Variants in TMEM79 observed in about 807,000 individuals in gnomAD.
The protein encoded by TMEM79 is mattrin.
A neutral mutation model predicts 31.2 loss-of-function variants in TMEM79; 30 were observed. The observed-to-expected ratio is 0.96, with a 90% confidence interval of 0.72 to 1.30. TMEM79 has a LOEUF of 1.30. Among genes scored for constraint, TMEM79 ranks in the 50% most tolerant of loss-of-function variants. TMEM79 has a pLI of 0.00. For synonymous variants in TMEM79, 213 were observed against 229.5 expected (o/e 0.93, Z 0.65); for missense variants, 509 against 528.2 (o/e 0.96, Z 0.36).
rs1219393608 is a variant in TMEM79 at position 156,291,682 on chromosome 1, GC to G, written c.*89del. 7.5e-7 allele frequency: 1 copy of G among 1,333,514 alleles called. No individual in the cohort carries two copies. 82.6% of individuals were successfully genotyped at this position (1,333,514 alleles called of 1,614,324 possible). A position where few individuals can be genotyped will look rare whatever the true frequency, so the allele number is the denominator to read the frequency against. On this transcript the variant is annotated 3_prime_UTR_variant, in exon 4 of 4. Transcript: ENST00000405535. ...AACCTTGTGGCCAGGCCTGGACTTC[GC>G]CCCCAGGCCTAGGACCGCGGTGGGT... is the stretch of plus-strand genomic sequence containing the variant.
In TMEM79 at chr1:156,291,459, T is replaced by C. The variant is rs1378104679; in HGVS notation, c.1046T>C (p.Leu349Pro). ...GGCTACGGCCTGACGTTTCTGCCACTGCTGTCGATGCTGATGTGGAACCTC... is the reference window on the plus strand; with the variant it reads ...GGCTACGGCCTGACGTTTCTGCCACCGCTGTCGATGCTGATGTGGAACCTC... ...GFGYGLTFLP[L>P]LSMLMWNLYY... Residue 349 changes from leucine (L) to proline (P), a missense_variant, in exon 4 of 4, where the codon CTG becomes CCG. Coordinates refer to ENST00000405535, the MANE Select transcript of TMEM79 (RefSeq NM_032323.3). The C allele has an allele frequency of 1.9e-6, 3 of 1,613,706 alleles. No homozygotes were observed. Among genetic ancestry groups the C allele is most frequent in the South Asian group, 1.1e-5 (1 of 91,078 alleles).
At chr1:156,290,432 G>A (rs552790851) in intron 3 of TMEM79, 3 of 152,096 alleles carry the variant, frequency 2.0e-5, no homozygotes, top group East Asian at 1.9e-4. Flanking sequence ...AGCACTTTGG[G>A]AGGCCAAGGC....
chr1:156,288,346 T>C (rs1663226151), intron 3 of TMEM79, among the ~76,000 whole-genome samples: 1 of 151,608 alleles, frequency 6.6e-6, no homozygotes, highest in Non-Finnish European at 1.5e-5. Flanking sequence ...TTTTCTTTTT[T>C]TTTTTTTGAG....
At position 156,291,545 on chromosome 1, in the gene TMEM79, T is replaced by A. The variant is rs370857825; in HGVS notation, c.1132T>A (p.Tyr378Asn). The change falls in exon 4 of 4, where the codon TAC becomes AAC. Residue 378 changes from tyrosine (Y) to asparagine (N), a missense_variant. By Grantham distance (143) the Tyr-to-Asn change is moderately radical. Transcript: ENST00000405535. Reference sequence around the variant, plus strand: ...CACTGCCACCGAGAGCCGCCTGGACTACCCGGACCACGCCCGCTCGGCCTC... The same window carrying A: ...CACTGCCACCGAGAGCCGCCTGGACAACCCGGACCACGCCCGCTCGGCCTC... ...MLTATESRLD[Y>N]PDHARSASDY... The A allele has an allele frequency of 6.2e-7, 1 of 1,610,340 alleles. No individual in the cohort carries two copies. The highest frequency in any genetic ancestry group is 1.3e-5 in the African/African-American group (1 of 75,028).
At chr1:156,286,799 T>G (rs1003662414) in intron 3 of TMEM79, among the ~76,000 whole-genome samples, 1 of 152,202 alleles carries the variant, frequency 6.6e-6, no homozygotes, top group Non-Finnish European at 1.5e-5. Context: ...TGTAACCAAA[T>G]GTACAACTTA....
rs1663166430 is a variant in TMEM79 at position 156,286,451 on chromosome 1, A to G, written c.949A>G (p.Thr317Ala). The change falls in exon 3 of 4, where the codon ACT (threonine) becomes GCT (alanine). Residue 317 changes from threonine (T) to alanine (A), a missense_variant. Transcript: ENST00000405535. ...QDTLKLLPLL[T>A]GLFAVSRLIY... ...TACCCTCAAACTGCTCCCTCTGCTC[A>G]CTGGTCTCTTTGCCGTCTCCCGGTA... is the stretch of plus-strand genomic sequence containing the variant. 1.2e-6 allele frequency: 2 copies of G among 1,614,106 alleles called. No homozygotes were observed. The highest frequency in any genetic ancestry group is 2.2e-5 in the East Asian group (1 of 44,886).
upstream of TMEM79, among the ~76,000 whole-genome samples, chr1:156,283,347 ATATC>A (rs951206571): frequency 3.9e-5 from 6 of 152,234 alleles, no homozygotes; most frequent in Non-Finnish European, 7.3e-5. Context: ...TCCAGCTTGC[ATATC>A]TATCTCTTAC....
Position 156,291,937 on chromosome 1 carries a change from C to T in TMEM79, c.*339C>T. 1.8e-6 allele frequency: 1 copy of T among 549,266 alleles called. No homozygotes were observed. The highest frequency in any genetic ancestry group is 2.6e-5 in the South Asian group (1 of 38,676). 34.0% of individuals were successfully genotyped at this position (549,266 alleles called of 1,614,324 possible). A position where few individuals can be genotyped will look rare whatever the true frequency, so the allele number is the denominator to read the frequency against. Reference sequence around the variant, plus strand: ...AGCCTCTCACCACTGCCACAAGGCTCCCTAATGCTGGTCTCTGCTCCACTC... The same window carrying T: ...AGCCTCTCACCACTGCCACAAGGCTTCCTAATGCTGGTCTCTGCTCCACTC... On this transcript the variant is annotated 3_prime_UTR_variant, in exon 4 of 4. Coordinates refer to ENST00000405535, the MANE Select transcript of TMEM79 (RefSeq NM_032323.3).
intron 1 of TMEM79, among the ~76,000 whole-genome samples, 178 bp downstream of exon 1, chr1:156,284,584 C>A (rs1663094653): frequency 6.6e-6 from 1 of 152,092 alleles, no homozygotes; most frequent in Non-Finnish European, 1.5e-5. Context: ...CAGACCCAGG[C>A]CCTGCAGAGA....
At chr1:156,286,204 T>C (rs1295548013) in intron 2 of TMEM79, 56 bp from the exon 3 acceptor site, 17 of 1,565,126 alleles carry the variant, frequency 1.1e-5, no homozygotes, top group Middle Eastern at 2.0e-4. Flanking sequence ...GCTTACTGCC[T>C]CTTGTGCCCT....
In TMEM79 at chr1:156,291,626, G is replaced by A. The variant is rs200449021; in HGVS notation, c.*28G>A. 1.1e-5 allele frequency: 18 copies of A among 1,604,504 alleles called. No individual in the cohort carries two copies. Among genetic ancestry groups the A allele is most frequent in the Admixed American group, 6.7e-5 (4 of 59,956 alleles). On this transcript the variant is annotated 3_prime_UTR_variant, in exon 4 of 4. Coordinates refer to ENST00000405535, the MANE Select transcript of TMEM79 (RefSeq NM_032323.3). ...CTCTCCGCCCTCGCCCTCGGAGTAG[G>A]GGGTAGCGGCTTGGGTCTGACACAT...
At chr1:156,287,123 A>C (rs1317118079) in intron 3 of TMEM79, among the ~76,000 whole-genome samples, 1 of 152,020 alleles carries the variant, frequency 6.6e-6, no homozygotes, top group Non-Finnish European at 1.5e-5. Context: ...ACTTCATCTC[A>C]AAAAAATAAA....
rs1482070097 is a variant in TMEM79, at chr1:156,291,972, C to CCGTGAGG, written c.*376_*382dup. 2 of 479,506 alleles carry CCGTGAGG rather than the reference C, an allele frequency of 4.2e-6. No homozygotes were observed. Among genetic ancestry groups the CCGTGAGG allele is most frequent in the East Asian group, 6.6e-5 (2 of 30,500 alleles). 29.7% of individuals were successfully genotyped at this position (479,506 alleles called of 1,614,324 possible). On this transcript the variant is annotated 3_prime_UTR_variant, in exon 4 of 4. Coordinates refer to ENST00000405535, the MANE Select transcript of TMEM79 (RefSeq NM_032323.3). ...GGTCTCTGCTCCACTCCCCGGCTTC[C>CCGTGAGG]CGTGAGGCAGGAGGCAGAGCCACAG... is the stretch of plus-strand genomic sequence containing the variant.
chr1:156,292,281 A>C lies in TMEM79; in HGVS notation c.*683A>C, dbSNP rs1025728278. On this transcript the variant is annotated 3_prime_UTR_variant, in exon 4 of 4. Transcript: ENST00000405535. ...CTCCCACAGGAAGAGGGGAGCAGAC[A>C]GGGAAATCTGCCTACCAAGAGGGGT... 3 of 153,664 alleles carry C rather than the reference A, an allele frequency of 2.0e-5. No individual in the cohort carries two copies. Among genetic ancestry groups the C allele is most frequent in the Non-Finnish European group, 4.3e-5 (3 of 69,114 alleles). The allele number at this position is 153,664 out of a possible 1,614,324, so 9.5% of individuals were successfully genotyped here.
At chr1:156,286,064 T>C in intron 2 of TMEM79, 81 bp downstream of exon 2, 1 of 1,533,328 alleles carries the variant, frequency 6.5e-7, no homozygotes, top group South Asian at 1.3e-5. Flanking sequence ...AGCAGGAGGA[T>C]TTCCCTTCAC....
rs202031217 is a variant in TMEM79, at chr1:156,285,952, C to T, written c.726C>T (p.Cys242=). Residue 242 remains cysteine, a synonymous_variant, in exon 2 of 4, where the codon TGC becomes TGT. Coordinates refer to ENST00000405535, the MANE Select transcript of TMEM79 (RefSeq NM_032323.3). ...CCCGCCTGATCTACACACTGCGCTG[C>T]GGGGTCTTTGCCACCTTCCCCATTG... is the stretch of plus-strand genomic sequence containing the variant. ...MSSRLIYTLR[C]GVFATFPIVL... 8 of 1,610,524 alleles carry T rather than the reference C, an allele frequency of 5.0e-6. No homozygotes were observed. The highest frequency in any genetic ancestry group is 2.2e-5 in the South Asian group (2 of 90,498).
chr1:156,290,289 TCTTCCTC>T (rs1271115864), intron 3 of TMEM79: 1 of 153,792 alleles, frequency 6.5e-6, no homozygotes, highest in African/African-American at 2.4e-5. Context: ...TCTTCTTCCT[TCTTCCTC>T]CTTTCTTTCT....
intron 3 of TMEM79, 29 bp from the exon 4 acceptor site, chr1:156,291,356 G>T (rs750585348): frequency 6.2e-7 from 1 of 1,608,388 alleles, no homozygotes. Flanking sequence ...TCCCTCGAGA[G>T]TAGCCTGACC....
At position 156,286,296 on chromosome 1, in the gene TMEM79, C is replaced by T; in HGVS notation, c.794C>T (p.Ser265Phe). ...LVYGLSLLCF[S>F]ALRPFGEPRR... ...TACGGGCTGAGCCTGTTATGCTTTT[C>T]TGCCCTTCGGCCCTTTGGGGAGCCA... Residue 265 changes from serine (S) to phenylalanine (F), a missense_variant, in exon 3 of 4, where the codon TCT (serine) becomes TTT (phenylalanine). Physicochemically the swap from Ser to Phe is radical, Grantham distance 155. Transcript: ENST00000405535. 1 of 1,614,254 alleles carries T rather than the reference C, an allele frequency of 6.2e-7. No individual in the cohort carries two copies. The highest frequency in any genetic ancestry group is 1.1e-5 in the South Asian group (1 of 91,088).
Sources: allele counts gnomAD v4.1 joint callset (sites outside exome capture counted in the v4.1 genomes callset), GRCh38; gene constraint gnomAD v4.1.1; transcripts MANE v1.5; gene names NCBI Gene and HGNC (gene_info 2026-07-23, HGNC 2026-07-21).